RAPH1: variants seen among roughly 807,000 people sequenced by gnomAD.
The protein encoded by RAPH1 is ras-associated and pleckstrin homology domains-containing protein 1.
In RAPH1, 18 loss-of-function variants were observed where a neutral mutation model predicts 88.1. That is an observed-to-expected ratio of 0.20 (90% confidence interval 0.14 to 0.30). RAPH1 has a LOEUF of 0.30. RAPH1 is among the 10% of genes least tolerant of loss of function. The pLI is 1.00. For missense variants in RAPH1, 1,448 were observed against 1,543.2 expected, an observed-to-expected ratio of 0.94 and a Z score of 1.03; for synonymous variants, 587 against 559.0, an observed-to-expected ratio of 1.05 and a Z score of -0.71.
chr2:203,459,352 C>T (rs1283421066), intron 7 of RAPH1, among the ~76,000 whole-genome samples: 1 of 152,180 alleles, frequency 6.6e-6, no homozygotes, highest in African/African-American at 2.4e-5. Flanking sequence ...TGTTTTCCCT[C>T]ACCTACTGAA....
intron 1 of RAPH1, among the ~76,000 whole-genome samples, chr2:203,532,362 G>A (rs1250610958): frequency 6.6e-6 from 1 of 152,188 alleles, no homozygotes; most frequent in Non-Finnish European, 1.5e-5. Flanking sequence ...TTAAGCCACT[G>A]AACTGTACAC....
In RAPH1 at chr2:203,528,904, AATT is replaced by A. The variant is rs201476893; in HGVS notation, c.-1+6204_-1+6206del. Among the ~76,000 whole-genome samples the A allele has an allele frequency of 6.6e-3, 994 of 149,890 alleles. 3 individuals carry two copies. The highest frequency in any genetic ancestry group is 0.046 in the Middle Eastern group (13 of 282). ...TAAACATTATTGGAAAATTAGAACA[AATT>A]ATATTTGGGAAACATGCAAAATTTG... is the stretch of plus-strand genomic sequence containing the variant. On this transcript the variant is annotated intron_variant, in intron 1 of 13. Transcript: ENST00000319170.
intron 10 of RAPH1, among the ~76,000 whole-genome samples, chr2:203,450,378 A>G (rs1274948389): frequency 6.6e-6 from 1 of 152,234 alleles, no homozygotes; most frequent in African/African-American, 2.4e-5. Context: ...AGGTTAGCAA[A>G]ATAATACCTA....
At position 203,438,721 on chromosome 2, in the gene RAPH1, A is replaced by T. The variant is rs1407399668; in HGVS notation, c.*716T>A. 6.4e-6 allele frequency: 1 copy of T among 155,168 alleles called. No homozygotes were observed. Among genetic ancestry groups the T allele is most frequent in the Non-Finnish European group, 1.4e-5 (1 of 70,012 alleles). 9.6% of individuals were successfully genotyped at this position (155,168 alleles called of 1,614,324 possible). Reference sequence around the variant, plus strand: ...GGATCACTGCAGCAGTACTGCAGCTAGAACAGCTGAGTTAATTACGCCATG... The same window carrying T: ...GGATCACTGCAGCAGTACTGCAGCTTGAACAGCTGAGTTAATTACGCCATG... On this transcript the variant is annotated 3_prime_UTR_variant, in exon 14 of 14. Coordinates refer to ENST00000319170, the MANE Select transcript of RAPH1 (RefSeq NM_213589.3).
chr2:203,514,119 G>C (rs777479106), intron 1 of RAPH1, among the ~76,000 whole-genome samples: 2 of 152,114 alleles, frequency 1.3e-5, no homozygotes, highest in Non-Finnish European at 2.9e-5. Flanking sequence ...TGGGATTGCA[G>C]GCATGAGCCA....
chr2:203,470,201 G>A, intron 4 of RAPH1: 1 of 1,316,374 alleles, frequency 7.6e-7, no homozygotes, highest in Non-Finnish European at 1.1e-6. Context: ...CTACCTACAA[G>A]GCAGTAAATA....
rs750608011 is a variant in RAPH1, at chr2:203,439,266, C to G, written c.*171G>C. Reference sequence around the variant, plus strand: ...ACATATATGTATACATATATACACACACTGTACAGCTGTGTGTACATGCAC... The same window carrying G: ...ACATATATGTATACATATATACACAGACTGTACAGCTGTGTGTACATGCAC... On this transcript the variant is annotated 3_prime_UTR_variant, in exon 14 of 14. Coordinates refer to ENST00000319170, the MANE Select transcript of RAPH1 (RefSeq NM_213589.3). 2.0e-5 allele frequency: 12 copies of G among 603,714 alleles called. No homozygotes were observed. Among genetic ancestry groups the G allele is most frequent in the Non-Finnish European group, 2.9e-5 (10 of 340,232 alleles). 37.4% of individuals were successfully genotyped at this position (603,714 alleles called of 1,614,324 possible). A position where few individuals can be genotyped will look rare whatever the true frequency, so the allele number is the denominator to read the frequency against.
chr2:203,506,435 A>G (rs1243602814), intron 1 of RAPH1, among the ~76,000 whole-genome samples: 1 of 151,520 alleles, frequency 6.6e-6, no homozygotes, highest in Non-Finnish European at 1.5e-5. Context: ...CAGGGCAGGG[A>G]AAAAAAACAA....
In RAPH1 at chr2:203,434,060, A is replaced by ATCTATCTATCTATCTATC. The variant is rs1241030170; in HGVS notation, c.*5376_*5377insGATAGATAGATAGATAGA. On this transcript the variant is annotated 3_prime_UTR_variant, in exon 14 of 14. Transcript: ENST00000319170. ...CTCATATATCTATCTATCTATCTAT[A>ATCTATCTATCTATCTATC]TATATATATATATATATATAGCTTT... is the stretch of plus-strand genomic sequence containing the variant. 6.6e-4 allele frequency: 79 copies of ATCTATCTATCTATCTATC among 119,440 alleles called. 1 individual carries two copies. The highest frequency in any genetic ancestry group is 4.2e-3 in the East Asian group (20 of 4,782). The allele number at this position is 119,440 out of a possible 1,614,324, so 7.4% of individuals were successfully genotyped here.
intron 13 of RAPH1, 44 bp downstream of exon 13, chr2:203,444,824 G>C (rs1184832324): frequency 3.8e-6 from 6 of 1,590,180 alleles, no homozygotes; most frequent in Non-Finnish European, 5.2e-6. Flanking sequence ...AAACCCAAAA[G>C]AATACCACAG....
At chr2:203,510,210 C>A (rs923019448) in intron 1 of RAPH1, among the ~76,000 whole-genome samples, 2 of 151,996 alleles carry the variant, frequency 1.3e-5, no homozygotes, top group Admixed American at 6.6e-5. Flanking sequence ...TCGGCGCCTG[C>A]CTGTAATCCC....
chr2:203,521,282 G>A (rs181660876), intron 1 of RAPH1, among the ~76,000 whole-genome samples: 1 of 152,238 alleles, frequency 6.6e-6, no homozygotes, highest in African/African-American at 2.4e-5. Context: ...TCGAACTCCT[G>A]ACCTCAGGTG....
At chr2:203,506,506 C>T (rs906120934) in intron 1 of RAPH1, among the ~76,000 whole-genome samples, 5 of 150,270 alleles carry the variant, frequency 3.3e-5, no homozygotes, top group African/African-American at 9.8e-5. Context: ...GGCAACAGAG[C>T]GAGACTCCGT....
chr2:203,495,467 C>A, intron 1 of RAPH1, 114 bp from the exon 2 acceptor site: 1 of 1,001,520 alleles, frequency 1.0e-6, no homozygotes, highest in Admixed American at 2.6e-5. Context: ...ATCTTCAAAA[C>A]TAGAAATTAC....
intron 4 of RAPH1, among the ~76,000 whole-genome samples, chr2:203,480,418 C>T (rs1559475150): frequency 1.3e-5 from 2 of 152,026 alleles, no homozygotes; most frequent in East Asian, 1.9e-4. Flanking sequence ...TGTGGTGGTG[C>T]GCGCCTATAG....
chr2:203,473,256 A>G (rs970778096), intron 4 of RAPH1, among the ~76,000 whole-genome samples: 1 of 152,170 alleles, frequency 6.6e-6, no homozygotes, highest in Non-Finnish European at 1.5e-5. Flanking sequence ...ACTGCATTCC[A>G]GCCTGGGCAA....
At chr2:203,495,755 G>A (rs994874747) in intron 1 of RAPH1, among the ~76,000 whole-genome samples, 3 of 152,116 alleles carry the variant, frequency 2.0e-5, no homozygotes, top group Non-Finnish European at 4.4e-5. Context: ...TTATTGTCCT[G>A]TTTATTCTGT....
At chr2:203,441,890 G>C in intron 13 of RAPH1, 1 of 1,349,792 alleles carries the variant, frequency 7.4e-7, no homozygotes, top group Non-Finnish European at 9.5e-7. Flanking sequence ...CTTCCTGGTG[G>C]AATGAGGATG....
intron 1 of RAPH1, among the ~76,000 whole-genome samples, chr2:203,522,400 C>CA (rs1689918935): frequency 6.6e-6 from 1 of 152,102 alleles, no homozygotes; most frequent in Non-Finnish European, 1.5e-5. Flanking sequence ...AAAATATAAA[C>CA]ATTGCTGTGT....
Sources: gnomAD v4.1 joint callset for allele counts (sites outside exome capture counted in the v4.1 genomes callset) on GRCh38, gnomAD v4.1.1 for gene constraint, MANE v1.5 for transcripts, NCBI Gene and HGNC (gene_info 2026-07-23, HGNC 2026-07-21) for gene names.